RHEX: variants seen among roughly 807,000 people sequenced by gnomAD.
RHEX encodes the protein regulator of hemoglobinization and erythroid cell expansion, also known as regulator of hemoglobinization and erythroid cell expansion protein.
RHEX carries 18 observed loss-of-function variants against 20.1 expected under a neutral mutation model. The observed-to-expected ratio is 0.90, with a 90% CI of 0.62 to 1.33. The LOEUF (loss-of-function observed/expected upper bound fraction) is 1.33, where lower values mean the gene tolerates loss of function less well. RHEX is among the 40% of genes most tolerant of loss of function. The pLI is 0.00. For synonymous variants in RHEX, 87 were observed against 77.1 expected (o/e 1.13, Z -0.67); for missense variants, 192 against 214.3 (o/e 0.90, Z 0.65).
At chr1:206,083,423 G>C in intron 1 of RHEX, 2 of 838,516 alleles carry the variant, frequency 2.4e-6, no homozygotes, top group Non-Finnish European at 2.9e-6. Flanking sequence ...ATGGCCAAAA[G>C]AGACAGGAGG....
intron 1 of RHEX, among the ~76,000 whole-genome samples, chr1:206,058,015 G>C (rs1307123543): frequency 1.3e-5 from 2 of 152,258 alleles, no homozygotes; most frequent in Admixed American, 1.3e-4. Context: ...AGCTGAAGGA[G>C]GAGTTTGTGA....
At chr1:206,074,313 C>T (rs1362748259) in intron 1 of RHEX, among the ~76,000 whole-genome samples, 1 of 152,210 alleles carries the variant, frequency 6.6e-6, no homozygotes, top group East Asian at 1.9e-4. Flanking sequence ...TCTTCTTCAA[C>T]TCTGTATCCC....
intron 1 of RHEX, among the ~76,000 whole-genome samples, chr1:206,082,889 C>T (rs1311034948): frequency 2.0e-5 from 3 of 152,172 alleles, no homozygotes; most frequent in African/African-American, 7.2e-5. Context: ...TTATCCTCCT[C>T]CCATTCTTCT....
intron 1 of RHEX, among the ~76,000 whole-genome samples, chr1:206,068,914 C>T (rs1558171649): frequency 6.6e-6 from 1 of 152,220 alleles, no homozygotes. Flanking sequence ...CCTGTCTGGG[C>T]AACACTGTCC....
intron 1 of RHEX, among the ~76,000 whole-genome samples, chr1:206,058,108 C>G (rs1662232343): frequency 6.6e-6 from 1 of 152,238 alleles, no homozygotes; most frequent in African/African-American, 2.4e-5. Flanking sequence ...TATAACAAAA[C>G]TGGCACATGC....
chr1:206,062,146 G>T (rs1448567666), intron 1 of RHEX: 3 of 152,340 alleles, frequency 2.0e-5, no homozygotes, highest in African/African-American at 7.2e-5. Context: ...GGGGGCGGAA[G>T]TTGCAGTGAG....
chr1:206,072,443 G>A (rs1371736189), intron 1 of RHEX, among the ~76,000 whole-genome samples: 1 of 152,116 alleles, frequency 6.6e-6, no homozygotes, highest in Non-Finnish European at 1.5e-5. Flanking sequence ...AGGCATAGTG[G>A]TAAGAGCCTG....
chr1:206,088,137 C>A (rs1403898978), intron 1 of RHEX, among the ~76,000 whole-genome samples: 2 of 151,722 alleles, frequency 1.3e-5, no homozygotes, highest in South Asian at 2.1e-4. Flanking sequence ...ACTAATTAAA[C>A]AATAAAAAAT....
chr1:206,092,583 G>A (rs1285036005), intron 1 of RHEX, among the ~76,000 whole-genome samples: 2 of 152,028 alleles, frequency 1.3e-5, no homozygotes, highest in Non-Finnish European at 2.9e-5. Flanking sequence ...CGTGCCATAT[G>A]GAATCAATTT....
chr1:206,064,429 GA>G, intron 1 of RHEX, among the ~76,000 whole-genome samples: 1 of 105,554 alleles, frequency 9.5e-6, no homozygotes, highest in Non-Finnish European at 1.9e-5. Context: ...CCCCGTCCGG[GA>G]GGGAGGTGGG....
At chr1:206,063,731 T>G (rs1165033702) in intron 1 of RHEX, among the ~76,000 whole-genome samples, 2 of 152,330 alleles carry the variant, frequency 1.3e-5, no homozygotes, top group African/African-American at 4.8e-5. Context: ...TGGCGTGATC[T>G]CGGCTGGCTA....
intron 2 of RHEX, 63 bp from the exon 3 acceptor site, chr1:206,098,018 A>T: frequency 7.4e-7 from 1 of 1,347,586 alleles, no homozygotes; most frequent in Non-Finnish European, 1.1e-6. Context: ...GGACAGGGAT[A>T]GGTTTGCAAT....
At chr1:206,059,741 G>A (rs782554629) in intron 1 of RHEX, among the ~76,000 whole-genome samples, 4 of 152,140 alleles carry the variant, frequency 2.6e-5, no homozygotes, top group Admixed American at 6.5e-5. Context: ...ATTCCTTTTA[G>A]CTCTGAGAAT....
chr1:206,084,488 A>G (rs1303106692), intron 1 of RHEX, among the ~76,000 whole-genome samples: 6 of 152,222 alleles, frequency 3.9e-5, no homozygotes, highest in African/African-American at 9.6e-5. Flanking sequence ...TGACTGAATC[A>G]GTGAAAGAAA....
At chr1:206,058,500 A>G (rs1334084463) in intron 1 of RHEX, among the ~76,000 whole-genome samples, 4 of 152,344 alleles carry the variant, frequency 2.6e-5, no homozygotes, top group Admixed American at 2.6e-4. Context: ...TAAGAAAAAA[A>G]CAACAAGGAA....
intron 1 of RHEX, among the ~76,000 whole-genome samples, chr1:206,079,692 A>G (rs1286842502): frequency 6.6e-6 from 1 of 152,126 alleles, no homozygotes; most frequent in Non-Finnish European, 1.5e-5. Flanking sequence ...AGTAGCTGGG[A>G]TTACAGGTGT....
At position 206,053,255 on chromosome 1, in the gene RHEX, T is replaced by A. The variant is rs1662106492; in HGVS notation, c.-107T>A. ...GGAACTGGCACTTGGAGTCCGGACA[T>A]CTGAAACTTGGTAAGACTAGTCTTT... On this transcript the variant is annotated 5_prime_UTR_variant, in exon 1 of 6. Transcript: ENST00000331555. The A allele has an allele frequency of 6.5e-6, 1 of 152,854 alleles. No individual in the cohort carries two copies. Among genetic ancestry groups the A allele is most frequent in the Non-Finnish European group, 1.5e-5 (1 of 68,524 alleles). The allele number at this position is 152,854 out of a possible 1,614,324, so 9.5% of individuals were successfully genotyped here. A position where few individuals can be genotyped will look rare whatever the true frequency, so the allele number is the denominator to read the frequency against.
chr1:206,095,160 G>A (rs1410372757), intron 1 of RHEX, among the ~76,000 whole-genome samples: 3 of 152,034 alleles, frequency 2.0e-5, no homozygotes, highest in East Asian at 1.9e-4. Context: ...GTAGGAATTC[G>A]AAATGATACC....
chr1:206,089,545 A>T (rs1044837289), intron 1 of RHEX, among the ~76,000 whole-genome samples: 1 of 151,730 alleles, frequency 6.6e-6, no homozygotes, highest in African/African-American at 2.4e-5. Context: ...CCCATTTTTC[A>T]CTTTTATAAT....
Sources: gnomAD v4.1 joint callset for allele counts (sites outside exome capture counted in the v4.1 genomes callset) on GRCh38, gnomAD v4.1.1 for gene constraint, MANE v1.5 for transcripts, NCBI Gene and HGNC (gene_info 2026-07-23, HGNC 2026-07-21) for gene names.